KIF16B: variants seen among roughly 807,000 people sequenced by gnomAD.
The protein encoded by KIF16B is kinesin family member 16B, also known as kinesin-like protein KIF16B.
KIF16B carries 98 observed loss-of-function variants against 156.3 expected under a neutral mutation model. The ratio of observed to expected loss-of-function variants is 0.63; its 90% confidence interval spans 0.53 to 0.74. The LOEUF (loss-of-function observed/expected upper bound fraction) is 0.74. Among genes scored for constraint, KIF16B ranks in the 30% least tolerant of loss-of-function variants. The pLI, the probability that KIF16B is intolerant of heterozygous loss-of-function variation, is 0.00. For synonymous variants in KIF16B, 564 were observed against 583.7 expected (o/e 0.97, Z 0.49); for missense variants, 1,421 against 1,606.5 (o/e 0.88, Z 1.97).
intron 12 of KIF16B, among the ~76,000 whole-genome samples, chr20:16,493,343 G>T (rs190602074): frequency 6.6e-6 from 1 of 152,308 alleles, no homozygotes; most frequent in African/African-American, 2.4e-5. Flanking sequence ...TGAAACAGTT[G>T]TCAGATGCAG....
chr20:16,411,563 A>G (rs1266484879), intron 15 of KIF16B, among the ~76,000 whole-genome samples: 1 of 152,064 alleles, frequency 6.6e-6, no homozygotes, highest in Non-Finnish European at 1.5e-5. Flanking sequence ...TTTACAGCAC[A>G]GAGCAGAGAA....
At chr20:16,489,676 GAC>G (rs2068225635) in intron 12 of KIF16B, among the ~76,000 whole-genome samples, 1 of 150,012 alleles carries the variant, frequency 6.7e-6, no homozygotes, top group African/African-American at 2.5e-5. Flanking sequence ...CAGCCTGGGT[GAC>G]AGAGTAAAAT....
chr20:16,426,298 G>GTGAA (rs1197290837), intron 15 of KIF16B, among the ~76,000 whole-genome samples: 1 of 151,090 alleles, frequency 6.6e-6, no homozygotes, highest in African/African-American at 2.4e-5. Context: ...ATATCAACAG[G>GTGAA]TGAATCCTAC....
chr20:16,474,423 C>T (rs552447855), intron 12 of KIF16B, among the ~76,000 whole-genome samples: 10 of 152,284 alleles, frequency 6.6e-5, no homozygotes, highest in African/African-American at 1.2e-4. Context: ...ACATAGCAAG[C>T]GCTTATGCTC....
At chr20:16,299,732 C>T (rs1027873743) in intron 25 of KIF16B, among the ~76,000 whole-genome samples, 14 of 152,154 alleles carry the variant, frequency 9.2e-5, no homozygotes, top group African/African-American at 3.1e-4. Context: ...TGGCTCTGCA[C>T]ACAAACTAAA....
At chr20:16,307,922 T>C (rs2063564782) in intron 25 of KIF16B, among the ~76,000 whole-genome samples, 1 of 152,306 alleles carries the variant, frequency 6.6e-6, no homozygotes, top group East Asian at 1.9e-4. Context: ...CATATTTATA[T>C]ACTATGTATG....
At chr20:16,408,522 A>C (rs1184789608) in intron 15 of KIF16B, among the ~76,000 whole-genome samples, 3 of 152,202 alleles carry the variant, frequency 2.0e-5, no homozygotes, top group Non-Finnish European at 4.4e-5. Context: ...TAAAGCAATC[A>C]CATTCCAGGT....
rs147231452 is a variant in KIF16B at position 16,386,153 on chromosome 20, C to T, written c.1785-4406G>A. Among the ~76,000 whole-genome samples the T allele has an allele frequency of 4.7e-3, 720 of 152,130 alleles. 3 individuals carry two copies. Among genetic ancestry groups the T allele is most frequent in the Non-Finnish European group, 7.9e-3 (540 of 67,996 alleles). ...GAAGCCCCAAGAGTGGGTGAGGTTACCCAGGACACACGTGTAGAAGGAGAA... is the reference window on the plus strand; with the variant it reads ...GAAGCCCCAAGAGTGGGTGAGGTTATCCAGGACACACGTGTAGAAGGAGAA... On this transcript the variant is annotated intron_variant, in intron 17 of 25. Coordinates refer to ENST00000354981, the MANE Select transcript of KIF16B (RefSeq NM_024704.5).
intron 1 of KIF16B, among the ~76,000 whole-genome samples, chr20:16,568,819 CAAAAAAAAAAAAAAAAAAAA>C (rs57421025): frequency 1.8e-5 from 1 of 55,482 alleles, no homozygotes. Context: ...GACCCTGTCT[CAAAAAAAAAAAAAAAAAAAA>C]AAAAAAAAAA....
chr20:16,461,946 G>C (rs545860742), intron 12 of KIF16B, among the ~76,000 whole-genome samples: 1 of 152,206 alleles, frequency 6.6e-6, no homozygotes, highest in Admixed American at 6.5e-5. Flanking sequence ...TAGTTTTAAG[G>C]GTATAAATTT....
chr20:16,275,046 T>C (rs1027713637), intron 25 of KIF16B, among the ~76,000 whole-genome samples: 7 of 150,904 alleles, frequency 4.6e-5, no homozygotes, highest in African/African-American at 1.7e-4. Context: ...TGGTGCATGA[T>C]AAATTGTACT....
intron 12 of KIF16B, among the ~76,000 whole-genome samples, chr20:16,437,236 C>A (rs1355289831): frequency 6.6e-6 from 1 of 152,248 alleles, no homozygotes; most frequent in Non-Finnish European, 1.5e-5. Flanking sequence ...CAATTTTTTT[C>A]TAATATTTTC....
chr20:16,557,179 A>C (rs1248799026), intron 1 of KIF16B, among the ~76,000 whole-genome samples: 2 of 150,270 alleles, frequency 1.3e-5, no homozygotes, highest in Admixed American at 6.7e-5. Flanking sequence ...ACACATACTA[A>C]TACTATATAT....
intron 5 of KIF16B, among the ~76,000 whole-genome samples, chr20:16,511,836 C>T (rs1374656126): frequency 2.0e-5 from 3 of 152,094 alleles, no homozygotes; most frequent in African/African-American, 4.8e-5. Context: ...CTTAAAGTCA[C>T]GATTTCCAAG....
intron 6 of KIF16B, among the ~76,000 whole-genome samples, chr20:16,508,822 G>C (rs1294640374): frequency 6.6e-6 from 1 of 152,132 alleles, no homozygotes. Flanking sequence ...AAATGCAAAA[G>C]CACTGCCTTC....
chr20:16,528,341 G>T, intron 2 of KIF16B, 30 bp downstream of exon 2: 1 of 1,568,620 alleles, frequency 6.4e-7, no homozygotes, highest in Non-Finnish European at 8.8e-7. Context: ...GGGGCTCTTG[G>T]AACTTAAGCA....
intron 12 of KIF16B, among the ~76,000 whole-genome samples, chr20:16,465,935 T>C (rs2067478268): frequency 6.6e-6 from 1 of 152,204 alleles, no homozygotes; most frequent in South Asian, 2.1e-4. Flanking sequence ...CTGCCTGGCA[T>C]GTGGTAGGCA....
intron 12 of KIF16B, among the ~76,000 whole-genome samples, chr20:16,440,922 A>T (rs1306013969): frequency 6.6e-6 from 1 of 152,202 alleles, no homozygotes; most frequent in East Asian, 1.9e-4. Flanking sequence ...AATCATCGAG[A>T]TGTCAGGATT....
At position 16,379,425 on chromosome 20, in the gene KIF16B, C is replaced by T. The variant is rs1453798890; in HGVS notation, c.2577G>A (p.Glu859=). The change falls in exon 19 of 26, where the codon GAG becomes GAA. Residue 859 remains glutamate (E), a synonymous_variant. Transcript: ENST00000354981. ...GTTCACATTTTAAACACTCTAGGATCTCCTGTTCTTCTTGGACTTCTTTTT... is the reference window on the plus strand; with the variant it reads ...GTTCACATTTTAAACACTCTAGGATTTCCTGTTCTTCTTGGACTTCTTTTT... ...ILKKEVQEEQ[E]ILECLKCEHD... The T allele has an allele frequency of 3.1e-6, 5 of 1,613,098 alleles. No homozygotes were observed. Among genetic ancestry groups the T allele is most frequent in the Non-Finnish European group, 3.4e-6 (4 of 1,179,790 alleles).
Sources: allele counts gnomAD v4.1 joint callset (sites outside exome capture counted in the v4.1 genomes callset), GRCh38; gene constraint gnomAD v4.1.1; transcripts MANE v1.5; gene names NCBI Gene and HGNC (gene_info 2026-07-23, HGNC 2026-07-21).